Variants in TLL2 observed in about 807,000 individuals in gnomAD.
TLL2 encodes the protein tolloid like 2, also known as tolloid-like protein 2.
In TLL2, 106 loss-of-function variants were observed where a neutral mutation model predicts 123.0. That is an observed-to-expected ratio of 0.86 (90% confidence interval 0.74 to 1.01). The LOEUF (loss-of-function observed/expected upper bound fraction) is 1.01. Among genes scored for constraint, TLL2 ranks in the 50% least tolerant of loss-of-function variants. The pLI is 0.00. For synonymous variants in TLL2, 494 were observed against 516.8 expected, an observed-to-expected ratio of 0.96 and a Z score of 0.60; for missense variants, 1,332 against 1,336.7, an observed-to-expected ratio of 1.00 and a Z score of 0.06.
At chr10:96,410,159 A>C (rs1846486786) in intron 9 of TLL2, among the ~76,000 whole-genome samples, 200 bp downstream of exon 9, 1 of 152,222 alleles carries the variant, frequency 6.6e-6, no homozygotes, top group Admixed American at 6.5e-5. Context: ...TATTTAGTAC[A>C]TGCCAGCCTT....
intron 9 of TLL2, among the ~76,000 whole-genome samples, 195 bp downstream of exon 9, chr10:96,410,164 A>G (rs1846486810): frequency 6.6e-6 from 1 of 152,234 alleles, no homozygotes; most frequent in African/African-American, 2.4e-5. Flanking sequence ...AGTACATGCC[A>G]GCCTTCATTT....
chr10:96,406,234 C>T (rs1294382233), intron 9 of TLL2, among the ~76,000 whole-genome samples: 2 of 152,048 alleles, frequency 1.3e-5, no homozygotes, highest in Non-Finnish European at 2.9e-5. Flanking sequence ...TGGCAGATGG[C>T]CCAGAGCAGA....
At position 96,422,747 on chromosome 10, in the gene TLL2, C is replaced by T; in HGVS notation, c.639-20G>A. On this transcript the variant is annotated intron_variant, in intron 5 of 20. Coordinates refer to ENST00000357947, the MANE Select transcript of TLL2 (RefSeq NM_012465.4). ...CAACAGCTGGACAATTGCAGGAATA[C>T]CCAGGTCAGCAGGTCAGAAGACATT... 1 of 1,613,806 alleles carries T rather than the reference C, an allele frequency of 6.2e-7. No individual in the cohort carries two copies. The highest frequency in any genetic ancestry group is 8.5e-7 in the Non-Finnish European group (1 of 1,179,924).
intron 2 of TLL2, among the ~76,000 whole-genome samples, chr10:96,455,470 T>G (rs1268893509): frequency 6.6e-6 from 1 of 152,076 alleles, no homozygotes; most frequent in Non-Finnish European, 1.5e-5. Context: ...GTGTTCTTAG[T>G]CACAGGATGA....
In TLL2 at chr10:96,428,630, C is replaced by T. The variant is rs751399454; in HGVS notation, c.638+1G>A. 2.5e-6 allele frequency: 4 copies of T among 1,607,248 alleles called. No individual in the cohort carries two copies. Among genetic ancestry groups the T allele is most frequent in the Non-Finnish European group, 3.4e-6 (4 of 1,174,404 alleles). ...AGGTGGCCTCGCTTTCGTTTACTTA[C>T]CCACAGGTTCTGTAACTGAATACAA... On this transcript the variant is annotated splice_donor_variant, in intron 5 of 20. Coordinates refer to ENST00000357947, the MANE Select transcript of TLL2 (RefSeq NM_012465.4). LOFTEE classifies it high-confidence loss of function.
In TLL2 at chr10:96,376,752, G is replaced by A; in HGVS notation, c.2388C>T (p.Tyr796=). The change falls in exon 18 of 21, where the codon TAC becomes TAT. Residue 796 remains tyrosine, a synonymous_variant. Transcript: ENST00000357947. The part of the protein sequence containing the change: ...TLASPNWPDK[Y]PSRRECTWNI... ...TCCAGGTACACTCCCTCCGGCTGGG[G>A]TATTTGTCAGGCCAGTTGGGGCTCG... 8.7e-6 allele frequency: 14 copies of A among 1,603,940 alleles called. No homozygotes were observed. The highest frequency in any genetic ancestry group is 1.1e-5 in the South Asian group (1 of 89,576).
chr10:96,462,594 C>T (rs1847091951), intron 2 of TLL2, among the ~76,000 whole-genome samples: 1 of 152,196 alleles, frequency 6.6e-6, no homozygotes, highest in African/African-American at 2.4e-5. Flanking sequence ...GTGCTCTATA[C>T]TATACTGGTC....
chr10:96,407,562 G>A (rs1240254719), intron 9 of TLL2, among the ~76,000 whole-genome samples: 2 of 152,146 alleles, frequency 1.3e-5, no homozygotes, highest in Admixed American at 6.5e-5. Flanking sequence ...ATAGGCACTC[G>A]ATAAATAGCA....
At chr10:96,467,014 T>C (rs1463859305) in intron 2 of TLL2, among the ~76,000 whole-genome samples, 1 of 152,140 alleles carries the variant, frequency 6.6e-6, no homozygotes, top group Non-Finnish European at 1.5e-5. Flanking sequence ...TATAAAAAAT[T>C]AGTTTAGTTC....
At chr10:96,476,240 A>ATATATTCTTTTTTTTTT in intron 2 of TLL2, among the ~76,000 whole-genome samples, 2 of 20,494 alleles carry the variant, frequency 9.8e-5, no homozygotes, top group African/African-American at 1.7e-4. Flanking sequence ...ATATATATAT[A>ATATATTCTTTTTTTTTT]TTTTATTTTT....
At chr10:96,387,824 C>A (rs1846252171) in intron 13 of TLL2, among the ~76,000 whole-genome samples, 1 of 152,040 alleles carries the variant, frequency 6.6e-6, no homozygotes, top group Non-Finnish European at 1.5e-5. Context: ...GAGACACTCC[C>A]CAGACACATT....
At chr10:96,500,361 G>A (rs1847522773) in intron 1 of TLL2, among the ~76,000 whole-genome samples, 1 of 152,066 alleles carries the variant, frequency 6.6e-6, no homozygotes, top group Non-Finnish European at 1.5e-5. Context: ...TTGAAGGGTT[G>A]TTTGAAAAGG....
chr10:96,506,337 A>T lies in TLL2; in HGVS notation c.175+7174T>A, dbSNP rs189659199. 7.2e-5 allele frequency among the ~76,000 whole-genome samples: 11 copies of T among 151,734 alleles called. No homozygotes were observed. In the East Asian group the frequency reaches 2.1e-3, roughly 29 times the overall value. On this transcript the variant is annotated intron_variant, in intron 1 of 20. Coordinates refer to ENST00000357947, the MANE Select transcript of TLL2 (RefSeq NM_012465.4). ...ACCTAAGTCAGCCCAATTCCAAAGCATGGGTACAGAACCACAACATGTCAG... is the reference window on the plus strand; with the variant it reads ...ACCTAAGTCAGCCCAATTCCAAAGCTTGGGTACAGAACCACAACATGTCAG...
At chr10:96,500,919 G>T (rs1310038782) in intron 1 of TLL2, among the ~76,000 whole-genome samples, 4 of 152,142 alleles carry the variant, frequency 2.6e-5, no homozygotes, top group Admixed American at 2.0e-4. Context: ...AACTTAAATT[G>T]GTTTTGTATA....
chr10:96,455,304 A>G (rs1847001647), intron 2 of TLL2, among the ~76,000 whole-genome samples: 1 of 152,208 alleles, frequency 6.6e-6, no homozygotes, highest in Non-Finnish European at 1.5e-5. Context: ...ACTAGGTTAT[A>G]TGGAGTCATC....
chr10:96,473,884 A>G (rs72811142), intron 2 of TLL2, among the ~76,000 whole-genome samples: 24,054 of 152,066 alleles, frequency 0.16, 2,297 homozygotes, highest in East Asian at 0.29. Context: ...CTTCTCCTCC[A>G]CATCTCCTGT....
At chr10:96,510,336 C>A (rs1830958553) in intron 1 of TLL2, among the ~76,000 whole-genome samples, 2 of 152,148 alleles carry the variant, frequency 1.3e-5, no homozygotes, top group South Asian at 2.1e-4. Flanking sequence ...GAACACCCCC[C>A]AGAAGCCCCA....
At chr10:96,381,370 C>A (rs914194910) in intron 16 of TLL2, among the ~76,000 whole-genome samples, 1 of 152,216 alleles carries the variant, frequency 6.6e-6, no homozygotes, top group African/African-American at 2.4e-5. Context: ...TCCCTCATGA[C>A]CTGGCCTTCT....
intron 16 of TLL2, among the ~76,000 whole-genome samples, chr10:96,381,210 C>T (rs11594430): frequency 6.6e-6 from 1 of 152,094 alleles, no homozygotes; most frequent in South Asian, 2.1e-4. Context: ...CCCTGCTGCC[C>T]TGGTCCTCCA....
Sources: allele counts gnomAD v4.1 joint callset (sites outside exome capture counted in the v4.1 genomes callset), GRCh38; gene constraint gnomAD v4.1.1; transcripts MANE v1.5; gene names NCBI Gene and HGNC (gene_info 2026-07-23, HGNC 2026-07-21).